VWA3B: variants seen among roughly 807,000 people sequenced by gnomAD.
The protein encoded by VWA3B is von Willebrand factor A domain containing 3B.
VWA3B carries 138 observed loss-of-function variants against 158.3 expected under a neutral mutation model. The observed-to-expected ratio is 0.87, with a 90% confidence interval of 0.76 to 1.00. The LOEUF (loss-of-function observed/expected upper bound fraction) is 1.00, where lower values mean the gene tolerates loss of function less well. Ranked by LOEUF, VWA3B falls within the 50% of genes least tolerant of loss-of-function variation. The pLI is 0.00. For synonymous variants in VWA3B, 596 were observed against 587.3 expected (o/e 1.01, Z -0.21); for missense variants, 1,555 against 1,565.1 (o/e 0.99, Z 0.11).
In VWA3B at chr2:98,229,987, TC is replaced by T. The variant is rs1431273510; in HGVS notation, c.2151-62del. 33 of 1,505,006 alleles carry T rather than the reference TC, an allele frequency of 2.2e-5. No homozygotes were observed. In the African/African-American group the frequency reaches 3.9e-4, roughly 18 times the overall value. 93.2% of individuals were successfully genotyped at this position (1,505,006 alleles called of 1,614,324 possible). On this transcript the variant is annotated intron_variant, in intron 15 of 27. Coordinates refer to ENST00000477737, the MANE Select transcript of VWA3B (RefSeq NM_144992.5). ...TGAATGTATTGACTTAACTCTGCCT[TC>T]TTGATGGAAATTTTCTTTTCTCTCT...
chr2:98,285,007 G>A (rs62157919), intron 22 of VWA3B, among the ~76,000 whole-genome samples: 5,928 of 152,124 alleles, frequency 0.039, 168 homozygotes, highest in Middle Eastern at 0.075. Flanking sequence ...GTTATGTAGA[G>A]CAAACCAAAA....
chr2:98,179,771 C>G (rs1184628776), intron 8 of VWA3B, among the ~76,000 whole-genome samples: 1 of 114,400 alleles, frequency 8.7e-6, no homozygotes, highest in Non-Finnish European at 1.9e-5. Flanking sequence ...TCCTTTCTCT[C>G]TTTCTTTCTC....
downstream of VWA3B, among the ~76,000 whole-genome samples, chr2:98,317,098 T>C (rs554593615): frequency 1.3e-5 from 2 of 152,170 alleles, no homozygotes; most frequent in Non-Finnish European, 2.9e-5. Flanking sequence ...TAGAATAAAC[T>C]TAACAAGAAA....
rs143077276 is a variant in VWA3B, at chr2:98,128,277, T to C, written c.741T>C (p.Pro247=). ...ACTACTTTGTGGTGGGGGATGTTCC[T>C]GAAGAATCCAAGGAGCTTCTCCTCC... is the stretch of plus-strand genomic sequence containing the variant. ...SIYYFVVGDV[P]EESKELLLQR... The change falls in exon 6 of 28, where the codon CCT becomes CCC. Residue 247 remains proline (P), a synonymous_variant. Transcript: ENST00000477737. The C allele has an allele frequency of 3.1e-4, 501 of 1,614,196 alleles. 1 individual carries two copies. In the African/African-American group the frequency reaches 6.0e-3, roughly 19 times the overall value.
chr2:98,258,009 A>T lies in VWA3B; in HGVS notation c.2843+1835A>T, dbSNP rs150136586. ...TTTAGGTCTTACATTTGGACTTTTG[A>T]TCCATTTTTGAGGGACTTTTTGTAT... On this transcript the variant is annotated intron_variant, in intron 21 of 27. Coordinates refer to ENST00000477737, the MANE Select transcript of VWA3B (RefSeq NM_144992.5). Among the ~76,000 whole-genome samples, 1,422 of 151,786 alleles carry T rather than the reference A, an allele frequency of 9.4e-3. 19 individuals carry two copies. Among genetic ancestry groups the T allele is most frequent in the Admixed American group, 0.011 (162 of 15,260 alleles).
intron 12 of VWA3B, among the ~76,000 whole-genome samples, chr2:98,196,416 A>G (rs529425997): frequency 5.3e-5 from 8 of 152,352 alleles, no homozygotes; most frequent in African/African-American, 1.9e-4. Flanking sequence ...AATTAATTTT[A>G]AAAAGATAAT....
rs139296152 is a variant in VWA3B, at chr2:98,121,411, G to T, written c.655G>T (p.Glu219Ter). Reference protein sequence around the residue: ...EKLTVELTVSEAGRLDALLEA... With the variant: ...EKLTVELTVS ...ACTGACGGTTGAGCTGACTGTGAGC[G>T]AGGCTGGCCGCCTGGATGCTCTGCT... The change falls in exon 5 of 28, where the codon GAG becomes TAG. Residue 219 changes from glutamate to a stop codon, truncating the protein, a stop_gained. Transcript: ENST00000477737. LOFTEE classifies it high-confidence loss of function. 677 of 1,614,214 alleles carry T rather than the reference G, an allele frequency of 4.2e-4. 7 individuals carry two copies. The East Asian group carries it at 0.013, about 30-fold the overall frequency.
intron 22 of VWA3B, among the ~76,000 whole-genome samples, chr2:98,283,341 G>A (rs138028763): frequency 6.6e-6 from 1 of 152,312 alleles, no homozygotes; most frequent in East Asian, 1.9e-4. Context: ...ACTGTCTCGT[G>A]GTCTCAGTGA....
At chr2:98,245,507 G>C in intron 19 of VWA3B, 1 of 456,048 alleles carries the variant, frequency 2.2e-6, no homozygotes, top group South Asian at 1.6e-5. Flanking sequence ...TGGAGAGGAC[G>C]GAGAGTGGGT....
intron 21 of VWA3B, among the ~76,000 whole-genome samples, chr2:98,266,179 T>A (rs1159711958): frequency 1.3e-5 from 2 of 151,284 alleles, no homozygotes; most frequent in Admixed American, 6.6e-5. Flanking sequence ...TGGTTTTAGG[T>A]CTAACGTTTA....
At chr2:98,271,092 A>G (rs1242440196) in intron 22 of VWA3B, among the ~76,000 whole-genome samples, 1 of 149,252 alleles carries the variant, frequency 6.7e-6, no homozygotes, top group South Asian at 2.1e-4. Context: ...TTAAAACAAT[A>G]CGTCTTTTAA....
At chr2:98,183,774 G>A (rs1397171335) in intron 9 of VWA3B, among the ~76,000 whole-genome samples, 3 of 152,208 alleles carry the variant, frequency 2.0e-5, no homozygotes, top group Non-Finnish European at 4.4e-5. Context: ...AGTAGTTACT[G>A]ATGATGAGAT....
chr2:98,303,609 A>G lies in VWA3B; in HGVS notation c.3421-93A>G, dbSNP rs182755139. 2,106 of 1,142,086 alleles carry G rather than the reference A, an allele frequency of 1.8e-3. 26 individuals carry two copies. The African/African-American group carries it at 0.028, about 15-fold the overall frequency. 70.7% of individuals were successfully genotyped at this position (1,142,086 alleles called of 1,614,324 possible). The stretch of plus-strand genomic sequence containing the variant: ...CACCCTGAATAGGATAATGACTAGA[A>G]GCTATTATAATGGGTTGAGCTAGAA... On this transcript the variant is annotated intron_variant, in intron 25 of 27. Transcript: ENST00000477737.
At chr2:98,194,244 TGC>T in intron 11 of VWA3B, 115 bp from the exon 12 acceptor site, 1 of 953,446 alleles carries the variant, frequency 1.0e-6, no homozygotes, top group South Asian at 1.7e-5. Context: ...TATAATTTTT[TGC>T]TTCTTGAACT....
intron 19 of VWA3B, among the ~76,000 whole-genome samples, chr2:98,237,767 G>T (rs1443678966): frequency 6.6e-6 from 1 of 152,180 alleles, no homozygotes; most frequent in African/African-American, 2.4e-5. Flanking sequence ...TCACTGAATG[G>T]AAACAATATC....
At chr2:98,315,247 T>C (rs193059334), downstream of VWA3B, among the ~76,000 whole-genome samples, 1 of 152,264 alleles carries the variant, frequency 6.6e-6, no homozygotes, top group Non-Finnish European at 1.5e-5. Context: ...GCTGAATAAA[T>C]CTGTACTTTT....
intron 6 of VWA3B, among the ~76,000 whole-genome samples, chr2:98,130,139 T>A (rs1675745197): frequency 6.6e-6 from 1 of 152,164 alleles, no homozygotes; most frequent in Non-Finnish European, 1.5e-5. Flanking sequence ...AACAAATGTA[T>A]CTGCATCATA....
At chr2:98,260,111 A>G (rs1687389621) in intron 21 of VWA3B, among the ~76,000 whole-genome samples, 1 of 151,678 alleles carries the variant, frequency 6.6e-6, no homozygotes, top group Non-Finnish European at 1.5e-5. Context: ...ATTTTTGACC[A>G]TTTAAATATC....
intron 8 of VWA3B, among the ~76,000 whole-genome samples, chr2:98,169,715 C>CTGTGTGTG (rs61535424): frequency 1.7e-3 from 231 of 134,326 alleles, no homozygotes; most frequent in East Asian, 3.8e-3. Context: ...CCTGGGCATT[C>CTGTGTGTG]TGTGTGTGTG....
Sources: gnomAD v4.1 joint callset for allele counts (sites outside exome capture counted in the v4.1 genomes callset) on GRCh38, gnomAD v4.1.1 for gene constraint, MANE v1.5 for transcripts, NCBI Gene and HGNC (gene_info 2026-07-23, HGNC 2026-07-21) for gene names.